Variants in NBEAL1 observed in about 807,000 individuals in gnomAD.
The protein encoded by NBEAL1 is neurobeachin like 1.
A neutral mutation model predicts 351.3 loss-of-function variants in NBEAL1; 273 were observed. The observed-to-expected ratio is 0.78, with a 90% CI of 0.70 to 0.86. NBEAL1 has a LOEUF of 0.86. Ranked by LOEUF, NBEAL1 falls within the 40% of genes least tolerant of loss-of-function variation. NBEAL1 has a pLI of 0.00. For synonymous variants in NBEAL1, 1,050 were observed against 1,086.4 expected (o/e 0.97, Z 0.66); for missense variants, 2,961 against 3,201.3 (o/e 0.92, Z 1.81).
chr2:203,149,760 A>G (rs1482766225), intron 34 of NBEAL1, among the ~76,000 whole-genome samples: 1 of 152,096 alleles, frequency 6.6e-6, no homozygotes. Flanking sequence ...GCAACCACCA[A>G]TCAGCTTTCT....
chr2:203,125,956 A>G lies in NBEAL1; in HGVS notation c.2852-4A>G. ...TGATAATTAATATGTTCCTGATTCT[A>G]CAGAGTCAAGACTAGAGAGAAACCT... On this transcript the variant is annotated splice_polypyrimidine_tract_variant and splice_region_variant and intron_variant, in intron 20 of 55. Transcript: ENST00000683969. The G allele has an allele frequency of 6.6e-7, 1 of 1,508,310 alleles. No individual in the cohort carries two copies. The highest frequency in any genetic ancestry group is 8.8e-7 in the Non-Finnish European group (1 of 1,130,554). The allele number at this position is 1,508,310 out of a possible 1,614,324, so 93.4% of individuals were successfully genotyped here.
intron 38 of NBEAL1, among the ~76,000 whole-genome samples, chr2:203,169,066 G>C (rs373553039): frequency 3.6e-4 from 54 of 152,088 alleles, no homozygotes; most frequent in African/African-American, 1.2e-3. Context: ...GTAAATTGCA[G>C]AACTAAATTT....
intron 4 of NBEAL1, among the ~76,000 whole-genome samples, chr2:203,054,550 G>A (rs1483757899): frequency 1.3e-5 from 2 of 151,930 alleles, no homozygotes; most frequent in Non-Finnish European, 2.9e-5. Context: ...GATTACAGAC[G>A]GGCATGAGCC....
intron 12 of NBEAL1, among the ~76,000 whole-genome samples, chr2:203,106,069 T>C (rs1302727611): frequency 6.6e-6 from 1 of 152,222 alleles, no homozygotes; most frequent in Non-Finnish European, 1.5e-5. Flanking sequence ...TAGAGTTTTC[T>C]GTCTCTTCTC....
intron 51 of NBEAL1, among the ~76,000 whole-genome samples, chr2:203,204,073 C>T (rs184463830): frequency 5.3e-5 from 8 of 151,446 alleles, no homozygotes; most frequent in African/African-American, 1.2e-4. Flanking sequence ...GGACTACAAG[C>T]GCGTGCCACC....
At chr2:203,150,135 G>C (rs1249978938) in intron 34 of NBEAL1, among the ~76,000 whole-genome samples, 1 of 152,094 alleles carries the variant, frequency 6.6e-6, no homozygotes, top group Admixed American at 6.5e-5. Flanking sequence ...GGAACTGCCA[G>C]ACTGATTTCC....
intron 36 of NBEAL1, among the ~76,000 whole-genome samples, chr2:203,161,326 CA>C (rs1174377516): frequency 0.01 from 660 of 64,806 alleles, 5 homozygotes; most frequent in African/African-American, 0.03. Flanking sequence ...GACTCCATCT[CA>C]AAAAAAAAAA....
chr2:203,146,220 A>G (rs2063510851), intron 33 of NBEAL1, among the ~76,000 whole-genome samples: 1 of 152,148 alleles, frequency 6.6e-6, no homozygotes, highest in Non-Finnish European at 1.5e-5. Context: ...GAAAAGTCCT[A>G]TATTTATTAA....
intron 18 of NBEAL1, 107 bp downstream of exon 18, chr2:203,116,177 T>G: frequency 1.3e-6 from 1 of 762,454 alleles, no homozygotes; most frequent in Non-Finnish European, 2.2e-6. Context: ...AGGAGGGGTT[T>G]GAATTGCCAT....
At position 203,208,693 on chromosome 2, in the gene NBEAL1, C is replaced by G. The variant is rs1195214687; in HGVS notation, c.7563C>G (p.Thr2521=). The G allele has an allele frequency of 1.9e-6, 3 of 1,612,350 alleles. No individual in the cohort carries two copies. The highest frequency in any genetic ancestry group is 2.5e-6 in the Non-Finnish European group (3 of 1,179,644). The change falls in exon 52 of 56, where the codon ACC becomes ACG. Residue 2521 remains threonine (T), a synonymous_variant. Coordinates refer to ENST00000683969, the MANE Select transcript of NBEAL1 (RefSeq NM_001378026.1). The part of the protein sequence containing the change: ...SKPFQILYGH[T]NEVLSVGIST... ...CTTTTCAGATTCTTTATGGACACAC[C>G]AACGAGGTACTGAGTGTCGGCATCA...
At chr2:203,168,043 C>T (rs1369216457) in intron 38 of NBEAL1, among the ~76,000 whole-genome samples, 1 of 152,208 alleles carries the variant, frequency 6.6e-6, no homozygotes, top group East Asian at 1.9e-4. Context: ...CTGTGGAACC[C>T]AGGTTGACTT....
chr2:203,217,901 C>CTAAT lies in NBEAL1; in HGVS notation c.*549_*552dup. 1 of 977,746 alleles carries CTAAT rather than the reference C, an allele frequency of 1.0e-6. No individual in the cohort carries two copies. Among genetic ancestry groups the CTAAT allele is most frequent in the Non-Finnish European group, 1.2e-6 (1 of 823,014 alleles). 60.6% of individuals were successfully genotyped at this position (977,746 alleles called of 1,614,324 possible). ...AAGAATATTGAAACTGGTACATTAG[C>CTAAT]TAATTCTATTACTACTTAGCGTGTT... On this transcript the variant is annotated 3_prime_UTR_variant, in exon 56 of 56. Coordinates refer to ENST00000683969, the MANE Select transcript of NBEAL1 (RefSeq NM_001378026.1).
chr2:203,107,801 G>C lies in NBEAL1; in HGVS notation c.1562G>C (p.Arg521Thr). The change falls in exon 14 of 56, where the codon AGA becomes ACA. Residue 521 changes from arginine to threonine, a missense_variant. Physicochemically the swap from Arg to Thr is moderately conservative, Grantham distance 71. Transcript: ENST00000683969. Reference sequence around the variant, plus strand: ...TGTGTCAATGCAAACATGGGGATTAGAATCATTGAAACCCTTGACTTGCAT... The same window carrying C: ...TGTGTCAATGCAAACATGGGGATTACAATCATTGAAACCCTTGACTTGCAT... ...TTCVNANMGIRIIETLDLHSS... is the reference protein window; with the variant it reads ...TTCVNANMGITIIETLDLHSS... The C allele has an allele frequency of 6.4e-7, 1 of 1,554,518 alleles. No homozygotes were observed. The highest frequency in any genetic ancestry group is 1.2e-5 in the South Asian group (1 of 84,326).
intron 24 of NBEAL1, 127 bp from the exon 25 acceptor site, chr2:203,130,191 C>A: frequency 1.1e-6 from 1 of 898,782 alleles, no homozygotes; most frequent in Non-Finnish European, 1.6e-6. Context: ...GACATCATAT[C>A]AGATATAGTG....
intron 10 of NBEAL1, among the ~76,000 whole-genome samples, chr2:203,087,281 T>C (rs2061982751): frequency 6.6e-6 from 1 of 151,312 alleles, no homozygotes; most frequent in Non-Finnish European, 1.5e-5. Flanking sequence ...TTAGTAGAGA[T>C]GGGGTTTCAC....
intron 38 of NBEAL1, 52 bp from the exon 39 acceptor site, chr2:203,169,695 T>C (rs2064258851): frequency 3.3e-6 from 3 of 922,422 alleles, no homozygotes; most frequent in African/African-American, 3.4e-5. Context: ...TACCATAATC[T>C]TCCAAGTTTG....
At chr2:203,050,066 CT>C (rs991247709) in intron 4 of NBEAL1, 91 bp downstream of exon 4, 54 of 1,203,602 alleles carry the variant, frequency 4.5e-5, no homozygotes, top group Middle Eastern at 4.1e-4. Context: ...ACATCACACA[CT>C]GGGCCTATTG....
intron 12 of NBEAL1, among the ~76,000 whole-genome samples, chr2:203,103,375 G>A (rs2062367909): frequency 6.6e-6 from 1 of 152,008 alleles, no homozygotes; most frequent in African/African-American, 2.4e-5. Flanking sequence ...CCGGGTTCAA[G>A]CAGTTCTCCT....
rs372557211 is a variant in NBEAL1 at position 203,175,251 on chromosome 2, C to T, written c.6428C>T (p.Pro2143Leu). 6.2e-6 allele frequency: 10 copies of T among 1,613,340 alleles called. No homozygotes were observed. The highest frequency in any genetic ancestry group is 8.5e-6 in the Non-Finnish European group (10 of 1,179,746). ...GVMHYLIRVE[P>L]FTTLHIQLQS... is the part of the protein sequence containing the mutation. Reference sequence around the variant, plus strand: ...ATGCACTATCTCATTCGTGTAGAACCGTTCACCACCCTCCACATCCAACTT... The same window carrying T: ...ATGCACTATCTCATTCGTGTAGAACTGTTCACCACCCTCCACATCCAACTT... Residue 2143 changes from proline (P) to leucine (L), a missense_variant, in exon 42 of 56, where the codon CCG becomes CTG. Transcript: ENST00000683969.
Sources: gnomAD v4.1 joint callset for allele counts (sites outside exome capture counted in the v4.1 genomes callset) on GRCh38, gnomAD v4.1.1 for gene constraint, MANE v1.5 for transcripts, NCBI Gene and HGNC (gene_info 2026-07-23, HGNC 2026-07-21) for gene names.